Variants in TAF1 observed in about 807,000 individuals in gnomAD.
TAF1 encodes the protein transcription initiation factor TFIID subunit 1.
In TAF1, 2 loss-of-function variants were observed where a neutral mutation model predicts 138.5. The ratio of observed to expected loss-of-function variants is 0.01; its 90% CI spans 0.01 to 0.05. The LOEUF (loss-of-function observed/expected upper bound fraction) is 0.05, where lower values mean the gene tolerates loss of function less well. Ranked by LOEUF, TAF1 falls within the 10% of genes least tolerant of loss-of-function variation. TAF1 has a pLI of 1.00. For missense variants in TAF1, 709 were observed against 1,478.0 expected, an observed-to-expected ratio of 0.48 and a Z score of 8.53; for synonymous variants, 437 against 503.2, an observed-to-expected ratio of 0.87 and a Z score of 1.76.
chrX:71,367,268 A>G (rs904935246), intron 1 of TAF1, among the ~76,000 whole-genome samples: 3 of 110,300 alleles, frequency 2.7e-5, no homozygotes, highest in Non-Finnish European at 1.9e-5. Context: ...CTTGTAGTAT[A>G]CTTTAAAGTG....
intron 32 of TAF1, among the ~76,000 whole-genome samples, chrX:71,444,434 T>G (rs1042402876): frequency 9.8e-5 from 11 of 111,941 alleles, no homozygotes; most frequent in African/African-American, 3.2e-4. Context: ...ATAGTATCTT[T>G]CAGGCTAGGC....
At chrX:71,507,562 A>ATTTTTTTT (rs766297435) in intron 13 of TAF1, among the ~76,000 whole-genome samples, 6 of 110,564 alleles carry the variant, frequency 5.4e-5, no homozygotes, top group African/African-American at 2.0e-4. Context: ...AATGCATCAA[A>ATTTTTTTT]TGCATAGAGG....
At chrX:71,530,517 G>A (rs1027804949), downstream of TAF1, 3 of 82,137 alleles carry the variant, frequency 3.7e-5, no homozygotes, top group South Asian at 1.4e-3. Flanking sequence ...GACCCGAGTG[G>A]GTTGCTACTA....
intron 32 of TAF1, among the ~76,000 whole-genome samples, chrX:71,436,863 C>T (rs1294405145): frequency 1.8e-5 from 2 of 111,298 alleles, no homozygotes; most frequent in Non-Finnish European, 3.8e-5. Flanking sequence ...TCTACCTTGT[C>T]CTCGAATAAA....
chrX:71,441,296 TATC>T (rs922645402), intron 32 of TAF1, among the ~76,000 whole-genome samples: 10 of 110,660 alleles, frequency 9.0e-5, no homozygotes, highest in African/African-American at 2.9e-4. Flanking sequence ...TACAAAAACA[TATC>T]ATAGTTATTT....
At chrX:71,455,643 C>T (rs925256046) in intron 34 of TAF1, among the ~76,000 whole-genome samples, 1 of 112,014 alleles carries the variant, frequency 8.9e-6, no homozygotes, top group African/African-American at 3.2e-5. Context: ...GGAAAGTTAA[C>T]CTCTCTCACT....
At chrX:71,517,125 C>T (rs769920853) in intron 13 of TAF1, among the ~76,000 whole-genome samples, 10 of 110,135 alleles carry the variant, frequency 9.1e-5, no homozygotes, top group Admixed American at 5.9e-4. Context: ...TTGCTGACTT[C>T]GAAGAGGGAG....
chrX:71,385,140 T>G, intron 14 of TAF1, 91 bp downstream of exon 14: 10 of 612,301 alleles, frequency 1.6e-5, no homozygotes, highest in Non-Finnish European at 2.5e-5. Context: ...TAATTCTAGT[T>G]GATTGAGATG....
intron 28 of TAF1, among the ~76,000 whole-genome samples, chrX:71,408,589 G>C (rs2035595419): frequency 9.0e-6 from 1 of 111,640 alleles, no homozygotes; most frequent in Admixed American, 9.5e-5. Context: ...TTACAGGTGT[G>C]AGCCACTGCG....
intron 13 of TAF1, among the ~76,000 whole-genome samples, chrX:71,484,252 A>G (rs2039132541): frequency 2.7e-5 from 3 of 111,490 alleles, no homozygotes. Flanking sequence ...CCTGGACTCT[A>G]TTGAGTTCCA....
intron 32 of TAF1, among the ~76,000 whole-genome samples, chrX:71,452,158 G>A (rs1602722093): frequency 9.3e-6 from 1 of 107,479 alleles, no homozygotes; most frequent in Non-Finnish European, 1.9e-5. Context: ...CGGGCGGGGG[G>A]CTGACCCCCC....
At chrX:71,381,592 C>G in intron 8 of TAF1, 151 bp from the exon 9 acceptor site, 1 of 560,583 alleles carries the variant, frequency 1.8e-6, no homozygotes. Flanking sequence ...GTGAGAAATA[C>G]ACTGTGTAGG....
At chrX:71,474,843 C>T (rs754854828) in intron 13 of TAF1, among the ~76,000 whole-genome samples, 17 of 111,371 alleles carry the variant, frequency 1.5e-4, no homozygotes, top group East Asian at 8.5e-4. Flanking sequence ...AAGAGCCATC[C>T]GTGCATTGAG....
At chrX:71,528,890 G>A (rs193055037) in intron 14 of TAF1, among the ~76,000 whole-genome samples, 3 of 111,483 alleles carry the variant, frequency 2.7e-5, no homozygotes, top group East Asian at 2.8e-4. Context: ...ATTTGTCCCC[G>A]CCCACATCCT....
chrX:71,383,885 G>A, intron 12 of TAF1, 77 bp from the exon 13 acceptor site: 1 of 1,058,307 alleles, frequency 9.4e-7, no homozygotes, highest in South Asian at 2.4e-5. Flanking sequence ...TGGTGTGTTT[G>A]TCTCAGATTG....
intron 32 of TAF1, among the ~76,000 whole-genome samples, chrX:71,449,313 C>T (rs1329506387): frequency 9.0e-6 from 1 of 111,311 alleles, no homozygotes; most frequent in African/African-American, 3.3e-5. Flanking sequence ...TTAGTAGAGA[C>T]GGGGTTTCTC....
chrX:71,445,298 CA>C (rs41356545), intron 32 of TAF1, among the ~76,000 whole-genome samples: 5,386 of 36,878 alleles, frequency 0.15, 146 homozygotes, highest in Non-Finnish European at 0.19. Context: ...AGACTCATCT[CA>C]AAAAAAAAAA....
At chrX:71,388,537 G>C (rs1320514648) in intron 16 of TAF1, 159 bp downstream of exon 16, 7 of 933,899 alleles carry the variant, frequency 7.5e-6, no homozygotes, top group Non-Finnish European at 7.2e-6. Flanking sequence ...TTTTGAATTT[G>C]GCTGCCAGGA....
chrX:71,507,289 G>A (rs996810055), intron 13 of TAF1, among the ~76,000 whole-genome samples: 12 of 111,767 alleles, frequency 1.1e-4, no homozygotes, highest in Non-Finnish European at 2.1e-4. Context: ...GGAGGGCAGT[G>A]ACATGATCAG....
Sources: allele counts gnomAD v4.1 joint callset (sites outside exome capture counted in the v4.1 genomes callset), GRCh38; gene constraint gnomAD v4.1.1; transcripts MANE v1.5; gene names NCBI Gene and HGNC (gene_info 2026-07-23, HGNC 2026-07-21).